MLLT3: variants seen among roughly 807,000 people sequenced by gnomAD.
MLLT3 encodes MLLT3 super elongation complex subunit, also known as protein AF-9.
A neutral mutation model predicts 53.2 loss-of-function variants in MLLT3; 4 were observed. That is an observed-to-expected ratio of 0.08 (90% CI 0.04 to 0.17). The LOEUF is 0.17. MLLT3 is among the 10% of genes least tolerant of loss of function. The probability of loss-of-function intolerance (pLI) is 1.00; values close to 1 mark genes in which losing one functional copy is unlikely to be tolerated. For missense variants in MLLT3, 569 were observed against 684.0 expected (o/e 0.83, Z 1.87); for synonymous variants, 283 against 230.6 (o/e 1.23, Z -2.06).
At chr9:20,405,807 T>A (rs1378740508) in intron 5 of MLLT3, among the ~76,000 whole-genome samples, 1 of 152,126 alleles carries the variant, frequency 6.6e-6, no homozygotes, top group Non-Finnish European at 1.5e-5. Flanking sequence ...CCAAGTTGTT[T>A]CCTCTTATCA....
intron 2 of MLLT3, among the ~76,000 whole-genome samples, chr9:20,556,646 G>T (rs1450634169): frequency 8.5e-5 from 13 of 152,096 alleles, no homozygotes; most frequent in Admixed American, 7.9e-4. Flanking sequence ...TCGCACCACT[G>T]CACTCCAGCC....
intron 4 of MLLT3, among the ~76,000 whole-genome samples, chr9:20,428,340 A>G (rs540584341): frequency 6.6e-6 from 1 of 152,246 alleles, no homozygotes; most frequent in African/African-American, 2.4e-5. Context: ...GATTTATATC[A>G]GGAATAAGGA....
intron 2 of MLLT3, among the ~76,000 whole-genome samples, chr9:20,565,491 G>A (rs1329642897): frequency 6.6e-6 from 1 of 151,950 alleles, no homozygotes; most frequent in Non-Finnish European, 1.5e-5. Flanking sequence ...ACTGCTATAA[G>A]TACTGTCCTC....
rs192469202 is a variant in MLLT3, at chr9:20,470,456, C to T, written c.194-13670G>A. 1.3e-4 allele frequency among the ~76,000 whole-genome samples: 20 copies of T among 152,054 alleles called. No homozygotes were observed. The East Asian group carries it at 2.1e-3, about 16-fold the overall frequency. ...TTTAATTTTCCCTCCTAAATAGCAA[C>T]GTTTTTGGACAATGATGCTGATATC... On this transcript the variant is annotated intron_variant, in intron 2 of 10. Transcript: ENST00000380338.
chr9:20,600,144 A>T (rs1563838177), intron 2 of MLLT3, among the ~76,000 whole-genome samples: 1 of 47,996 alleles, frequency 2.1e-5, no homozygotes, highest in Admixed American at 1.7e-4. Context: ...AAAACAAAAA[A>T]CAAAAAAAAA....
chr9:20,372,579 T>C (rs1388696926), intron 5 of MLLT3, among the ~76,000 whole-genome samples: 10 of 142,976 alleles, frequency 7.0e-5, no homozygotes, highest in African/African-American at 2.4e-4. Flanking sequence ...TTTTTTTTTT[T>C]TTGTATTTTT....
intron 2 of MLLT3, among the ~76,000 whole-genome samples, chr9:20,531,866 C>A (rs1231394726): frequency 6.6e-6 from 1 of 151,938 alleles, no homozygotes; most frequent in Non-Finnish European, 1.5e-5. Context: ...TACTGATTCA[C>A]AGGAATAAAT....
chr9:20,532,505 G>A (rs1230309012), intron 2 of MLLT3: 1 of 193,752 alleles, frequency 5.2e-6, no homozygotes, highest in Non-Finnish European at 1.0e-5. Context: ...TAGGTCATTA[G>A]AACATTTAAG....
chr9:20,341,920 A>G lies in MLLT3; in HGVS notation c.*4523T>C, dbSNP rs774589829. 8 of 202,020 alleles carry G rather than the reference A, an allele frequency of 4.0e-5. No homozygotes were observed. The highest frequency in any genetic ancestry group is 7.1e-5 in the Non-Finnish European group (7 of 98,218). The allele number at this position is 202,020 out of a possible 1,614,324, so 12.5% of individuals were successfully genotyped here. On this transcript the variant is annotated 3_prime_UTR_variant, in exon 11 of 11. Transcript: ENST00000380338. ...CACCACTTCTTGTTCCAATCTTTGC[A>G]GAGTTTTAAAAATATTATATATATA...
At chr9:20,521,133 C>T (rs755488042) in intron 2 of MLLT3, among the ~76,000 whole-genome samples, 2 of 151,472 alleles carry the variant, frequency 1.3e-5, no homozygotes, top group Non-Finnish European at 2.9e-5. Flanking sequence ...GCACAATGGG[C>T]GATCTCGGCT....
intron 2 of MLLT3, among the ~76,000 whole-genome samples, chr9:20,528,084 C>T (rs963303183): frequency 2.6e-5 from 4 of 152,324 alleles, no homozygotes; most frequent in Admixed American, 2.0e-4. Flanking sequence ...GCATTTGGTA[C>T]ATGTTCATTA....
chr9:20,605,244 T>C (rs1393362651), intron 2 of MLLT3, among the ~76,000 whole-genome samples: 2 of 152,014 alleles, frequency 1.3e-5, no homozygotes, highest in African/African-American at 4.8e-5. Flanking sequence ...CTGTTCAAAA[T>C]AAACCAAAAA....
At position 20,342,196 on chromosome 9, in the gene MLLT3, TA is replaced by T. The variant is rs1563927899; in HGVS notation, c.*4246del. Reference sequence around the variant, plus strand: ...AGCAAATCAGTACAATTATACATTTTAAAAAAGGTGCTGAAACAGATTATAT... The same window carrying T: ...AGCAAATCAGTACAATTATACATTTTAAAAAGGTGCTGAAACAGATTATAT... On this transcript the variant is annotated 3_prime_UTR_variant, in exon 11 of 11. Coordinates refer to ENST00000380338, the MANE Select transcript of MLLT3 (RefSeq NM_004529.4). 9.1e-6 allele frequency: 2 copies of T among 218,712 alleles called. No individual in the cohort carries two copies. Among genetic ancestry groups the T allele is most frequent in the East Asian group, 6.8e-5 (1 of 14,768 alleles). The allele number at this position is 218,712 out of a possible 1,614,324, so 13.5% of individuals were successfully genotyped here. A position where few individuals can be genotyped will look rare whatever the true frequency, so the allele number is the denominator to read the frequency against.
chr9:20,522,124 A>C (rs533720962), intron 2 of MLLT3, among the ~76,000 whole-genome samples: 2 of 152,012 alleles, frequency 1.3e-5, no homozygotes, highest in Non-Finnish European at 1.5e-5. Flanking sequence ...TGATACAAAA[A>C]AAAAATTATT....
chr9:20,596,320 A>G (rs1820261773), intron 2 of MLLT3, among the ~76,000 whole-genome samples: 2 of 152,226 alleles, frequency 1.3e-5, no homozygotes, highest in Admixed American at 6.5e-5. Flanking sequence ...AATTAAATGT[A>G]TAGGAGTACC....
intron 2 of MLLT3, among the ~76,000 whole-genome samples, chr9:20,589,090 T>C (rs1218630085): frequency 6.6e-6 from 1 of 150,552 alleles, no homozygotes; most frequent in Non-Finnish European, 1.5e-5. Flanking sequence ...ACTGGGTATA[T>C]ACCCAAAGGA....
chr9:20,584,573 A>G (rs1819899331), intron 2 of MLLT3, among the ~76,000 whole-genome samples: 1 of 152,200 alleles, frequency 6.6e-6, no homozygotes, highest in South Asian at 2.1e-4. Context: ...AGGAGGTGAA[A>G]GGCACTTCAT....
chr9:20,348,773 C>T (rs1820939514), intron 10 of MLLT3, among the ~76,000 whole-genome samples: 1 of 152,184 alleles, frequency 6.6e-6, no homozygotes, highest in East Asian at 1.9e-4. Flanking sequence ...AATGGACACA[C>T]ATTTGTTTTA....
intron 10 of MLLT3, among the ~76,000 whole-genome samples, chr9:20,350,752 G>A (rs1036645834): frequency 1.3e-5 from 2 of 152,098 alleles, no homozygotes; most frequent in African/African-American, 2.4e-5. Flanking sequence ...GCGGTACTAC[G>A]CAGGCTGTTG....
Sources: allele counts gnomAD v4.1 joint callset (sites outside exome capture counted in the v4.1 genomes callset), GRCh38; gene constraint gnomAD v4.1.1; transcripts MANE v1.5; gene names NCBI Gene and HGNC (gene_info 2026-07-23, HGNC 2026-07-21).